NELL1: variants seen among roughly 807,000 people sequenced by gnomAD.
NELL1 encodes the protein protein kinase C-binding protein NELL1.
NELL1 carries 76 observed loss-of-function variants against 107.4 expected under a neutral mutation model. The observed-to-expected ratio is 0.71, with a 90% CI of 0.59 to 0.86. The LOEUF (loss-of-function observed/expected upper bound fraction) is 0.86, where lower values mean the gene tolerates loss of function less well. NELL1 is among the 40% of genes least tolerant of loss of function. The probability of loss-of-function intolerance (pLI) is 0.00; values close to 1 mark genes in which losing one functional copy is unlikely to be tolerated. For missense variants in NELL1, 1,024 were observed against 1,005.5 expected (o/e 1.02, Z -0.25); for synonymous variants, 353 against 341.2 (o/e 1.03, Z -0.38).
chr11:21,330,784 C>A (rs1850256352), intron 14 of NELL1, among the ~76,000 whole-genome samples: 1 of 151,922 alleles, frequency 6.6e-6, no homozygotes. Flanking sequence ...AAAGTATTAA[C>A]CATTATTTAT....
intron 13 of NELL1, among the ~76,000 whole-genome samples, chr11:21,192,514 A>T (rs556443443): frequency 1.3e-5 from 2 of 151,930 alleles, no homozygotes; most frequent in Admixed American, 1.3e-4. Flanking sequence ...AAAAGTGAGC[A>T]TTAGGCTATT....
intron 13 of NELL1, among the ~76,000 whole-genome samples, chr11:21,125,147 T>C (rs1230730734): frequency 6.6e-6 from 1 of 152,178 alleles, no homozygotes; most frequent in Non-Finnish European, 1.5e-5. Context: ...TCATAAGCTT[T>C]CTATGAAGGG....
At chr11:20,951,894 C>T (rs985710549) in intron 11 of NELL1, among the ~76,000 whole-genome samples, 1 of 151,978 alleles carries the variant, frequency 6.6e-6, no homozygotes, top group African/African-American at 2.4e-5. Flanking sequence ...ATGGATGTAG[C>T]AGGAGCCTGA....
At chr11:20,755,558 T>TTTTTTTTTATTTATTTA (rs1267991719) in intron 2 of NELL1, among the ~76,000 whole-genome samples, 1 of 16,456 alleles carries the variant, frequency 6.1e-5, no homozygotes, top group East Asian at 2.9e-3. Context: ...TTGTTTTTGT[T>TTTTTTTTTATTTATTTA]TTTGTTTTTT....
chr11:20,920,073 A>G (rs951875137), intron 7 of NELL1, among the ~76,000 whole-genome samples: 2 of 152,182 alleles, frequency 1.3e-5, no homozygotes, highest in African/African-American at 4.8e-5. Flanking sequence ...GTGTATATTC[A>G]TAATGAAAAG....
At chr11:21,268,865 A>T (rs1222010061) in intron 14 of NELL1, among the ~76,000 whole-genome samples, 3 of 152,164 alleles carry the variant, frequency 2.0e-5, no homozygotes, top group Admixed American at 2.0e-4. Context: ...GGAATTTAAA[A>T]CAGGTATGGT....
chr11:21,415,992 G>A (rs1852509871), intron 15 of NELL1, among the ~76,000 whole-genome samples: 1 of 152,038 alleles, frequency 6.6e-6, no homozygotes, highest in African/African-American at 2.4e-5. Flanking sequence ...AATGCTGTGT[G>A]CCTGCAAAGA....
intron 2 of NELL1, among the ~76,000 whole-genome samples, chr11:20,708,081 A>T (rs1201306691): frequency 6.6e-6 from 1 of 152,198 alleles, no homozygotes; most frequent in Non-Finnish European, 1.5e-5. Flanking sequence ...GCTGCTTTGC[A>T]GTTTGATCTC....
At chr11:20,815,320 A>T (rs1032334171) in intron 3 of NELL1, among the ~76,000 whole-genome samples, 1 of 152,090 alleles carries the variant, frequency 6.6e-6, no homozygotes, top group Non-Finnish European at 1.5e-5. Context: ...TCCTGACCTC[A>T]GGTGATCCAC....
At chr11:20,862,783 G>C (rs1323255349) in intron 4 of NELL1, among the ~76,000 whole-genome samples, 1 of 152,014 alleles carries the variant, frequency 6.6e-6, no homozygotes, top group African/African-American at 2.4e-5. Context: ...CTGCGTACTT[G>C]AGATTAGGGA....
At position 21,490,663 on chromosome 11, in the gene NELL1, G is replaced by T. The variant is rs193268458; in HGVS notation, c.1646-43711G>T. On this transcript the variant is annotated intron_variant, in intron 15 of 19. Transcript: ENST00000357134. ...TAAATCCATGTATTTACAGCCAACT[G>T]ATTTTTAATAAAGGCACCAAGAATA... Among the ~76,000 whole-genome samples, 8 of 152,070 alleles carry T rather than the reference G, an allele frequency of 5.3e-5. No homozygotes were observed. The East Asian group carries it at 1.5e-3, about 29-fold the overall frequency.
At chr11:21,450,615 A>C (rs1419371178) in intron 15 of NELL1, among the ~76,000 whole-genome samples, 3 of 152,344 alleles carry the variant, frequency 2.0e-5, no homozygotes, top group Non-Finnish European at 4.4e-5. Flanking sequence ...ACTGTTGCAC[A>C]AAGTTATTGT....
intron 14 of NELL1, among the ~76,000 whole-genome samples, chr11:21,232,181 T>TATATATATATA (rs1375976378): frequency 1.3e-4 from 17 of 131,998 alleles, no homozygotes; most frequent in Non-Finnish European, 2.0e-4. Context: ...TATATATAAA[T>TATATATATATA]TAGCTGGGCG....
At chr11:21,271,334 G>A (rs933218912) in intron 14 of NELL1, among the ~76,000 whole-genome samples, 3 of 152,076 alleles carry the variant, frequency 2.0e-5, no homozygotes, top group Admixed American at 1.3e-4. Flanking sequence ...ACATTAAAAG[G>A]TTATACAGCA....
intron 9 of NELL1, among the ~76,000 whole-genome samples, chr11:20,933,062 GT>G (rs1232036255): frequency 6.6e-6 from 1 of 152,228 alleles, no homozygotes; most frequent in Non-Finnish European, 1.5e-5. Context: ...ACCAGTGTTG[GT>G]TTTGGTACTG....
In NELL1 at chr11:20,727,592, G is replaced by T. The variant is rs887325656; in HGVS notation, c.184+49532G>T. ...GTTTCTTTTGCTGTGCAGAAACTCT[G>T]TAGTTTAATTAGATCCCATTTGTCA... On this transcript the variant is annotated intron_variant, in intron 2 of 19. Transcript: ENST00000357134. 7.2e-5 allele frequency among the ~76,000 whole-genome samples: 11 copies of T among 152,052 alleles called. No homozygotes were observed. The South Asian group carries it at 8.3e-4, about 11-fold the overall frequency.
intron 14 of NELL1, among the ~76,000 whole-genome samples, chr11:21,348,287 A>G (rs1565181107): frequency 6.6e-6 from 1 of 152,186 alleles, no homozygotes; most frequent in Non-Finnish European, 1.5e-5. Flanking sequence ...ATTAGAACAA[A>G]GAATGTTCTT....
chr11:21,448,137 A>T (rs143178884), intron 15 of NELL1, among the ~76,000 whole-genome samples: 79 of 152,268 alleles, frequency 5.2e-4, no homozygotes, highest in African/African-American at 1.8e-3. Flanking sequence ...GCCTCTTTCA[A>T]CAGTACTAAG....
intron 15 of NELL1, among the ~76,000 whole-genome samples, chr11:21,438,005 G>A (rs1853171947): frequency 6.6e-6 from 1 of 152,030 alleles, no homozygotes; most frequent in Non-Finnish European, 1.5e-5. Flanking sequence ...TTCTGATTTG[G>A]GTAGTGAGCA....
Sources: gnomAD v4.1 joint callset for allele counts (sites outside exome capture counted in the v4.1 genomes callset) on GRCh38, gnomAD v4.1.1 for gene constraint, MANE v1.5 for transcripts, NCBI Gene and HGNC (gene_info 2026-07-23, HGNC 2026-07-21) for gene names.